The following AGBL4 variants were observed in gnomAD, a reference collection of about 807,000 sequenced individuals.
AGBL4 encodes the protein AGBL carboxypeptidase 4.
In AGBL4, 58 loss-of-function variants were observed where a neutral mutation model predicts 66.4. The ratio of observed to expected loss-of-function variants is 0.87; its 90% CI spans 0.71 to 1.09. The LOEUF is 1.09. Ranked by LOEUF, AGBL4 falls within the 50% of genes least tolerant of loss-of-function variation. The pLI, the probability that AGBL4 is intolerant of heterozygous loss-of-function variation, is 0.00. For synonymous variants in AGBL4, 234 were observed against 222.9 expected (o/e 1.05, Z -0.44); for missense variants, 579 against 631.0 (o/e 0.92, Z 0.88).
chr1:49,917,908 C>G (rs913559007), intron 1 of AGBL4, among the ~76,000 whole-genome samples: 1 of 152,138 alleles, frequency 6.6e-6, no homozygotes, highest in Non-Finnish European at 1.5e-5. Context: ...TGCAATCAAA[C>G]TAGAACTCAG....
At chr1:49,144,593 T>C (rs919437835) in intron 4 of AGBL4, among the ~76,000 whole-genome samples, 2 of 151,548 alleles carry the variant, frequency 1.3e-5, no homozygotes, top group African/African-American at 4.8e-5. Context: ...CCCTCAGACC[T>C]AAGCTGGGTT....
intron 5 of AGBL4, among the ~76,000 whole-genome samples, chr1:48,887,056 G>C (rs188705125): frequency 6.6e-6 from 1 of 152,134 alleles, no homozygotes; most frequent in African/African-American, 2.4e-5. Flanking sequence ...AAGGACTCAG[G>C]ACTGTTTCTT....
In AGBL4 at chr1:49,508,770, T is replaced by G. The variant is rs1558006569; in HGVS notation, c.282+188543A>C. Among the ~76,000 whole-genome samples the G allele has an allele frequency of 2.6e-5, 4 of 151,874 alleles. No individual in the cohort carries two copies. In the South Asian group the frequency reaches 8.3e-4, roughly 31 times the overall value. On this transcript the variant is annotated intron_variant, in intron 3 of 13. Coordinates refer to ENST00000371839, the MANE Select transcript of AGBL4 (RefSeq NM_032785.4). ...CCATCTCACATGATTATTGTGAACA[T>G]TAAGAAAAATGAGGTATATAAAGCA... is the stretch of plus-strand genomic sequence containing the variant.
intron 6 of AGBL4, among the ~76,000 whole-genome samples, chr1:48,859,818 G>C (rs563032352): frequency 1.4e-4 from 22 of 152,288 alleles, no homozygotes; most frequent in African/African-American, 5.3e-4. Context: ...GAAATAGTTA[G>C]AGATATAGAC....
At chr1:49,236,405 C>T (rs1336293201) in intron 4 of AGBL4, among the ~76,000 whole-genome samples, 2 of 152,120 alleles carry the variant, frequency 1.3e-5, no homozygotes, top group Non-Finnish European at 2.9e-5. Flanking sequence ...TGTCTTCTCA[C>T]CCCTCATTCA....
chr1:49,376,041 A>T (rs530627720), intron 3 of AGBL4, among the ~76,000 whole-genome samples: 2 of 152,270 alleles, frequency 1.3e-5, no homozygotes. Context: ...CTGCCTGTAT[A>T]TTGTATGAAA....
At chr1:48,808,611 G>A (rs1364836305) in intron 6 of AGBL4, among the ~76,000 whole-genome samples, 1 of 152,166 alleles carries the variant, frequency 6.6e-6, no homozygotes, top group Non-Finnish European at 1.5e-5. Flanking sequence ...ATCACAGTTG[G>A]AAAGATATGC....
intron 3 of AGBL4, among the ~76,000 whole-genome samples, chr1:49,696,513 G>A (rs1353205645): frequency 2.0e-5 from 3 of 151,926 alleles, no homozygotes; most frequent in African/African-American, 4.8e-5. Context: ...GCCACAAATG[G>A]AAAATAATAG....
intron 3 of AGBL4, among the ~76,000 whole-genome samples, chr1:49,570,505 A>T (rs935375675): frequency 2.6e-5 from 4 of 152,108 alleles, no homozygotes; most frequent in African/African-American, 9.6e-5. Context: ...TGTTAGATGC[A>T]TTATTTCCAA....
intron 2 of AGBL4, among the ~76,000 whole-genome samples, chr1:49,747,170 AT>A (rs1004496225): frequency 2.3e-4 from 35 of 152,104 alleles, no homozygotes; most frequent in African/African-American, 8.0e-4. Flanking sequence ...ATGATATTTT[AT>A]TTTCACCTTC....
intron 1 of AGBL4, among the ~76,000 whole-genome samples, chr1:49,945,308 G>A (rs1017407204): frequency 3.3e-5 from 5 of 152,068 alleles, no homozygotes; most frequent in African/African-American, 1.2e-4. Flanking sequence ...TTTACAAGAT[G>A]TGAGGCAAAA....
intron 11 of AGBL4, among the ~76,000 whole-genome samples, chr1:48,552,623 G>A (rs1257881743): frequency 6.6e-6 from 1 of 152,196 alleles, no homozygotes; most frequent in East Asian, 1.9e-4. Flanking sequence ...GATGTCAGCA[G>A]CACCCACCTC....
chr1:49,162,094 A>T (rs1423005684), intron 4 of AGBL4, among the ~76,000 whole-genome samples: 1 of 152,182 alleles, frequency 6.6e-6, no homozygotes, highest in Non-Finnish European at 1.5e-5. Context: ...AGGGTTGTGA[A>T]GATTGTGATA....
chr1:49,841,853 G>T, intron 2 of AGBL4: 2 of 529,128 alleles, frequency 3.8e-6, no homozygotes, highest in Non-Finnish European at 6.8e-6. Context: ...CAGTCAGGCG[G>T]AGCAGGGGCA....
Position 49,647,941 on chromosome 1 carries a change from G to A in AGBL4, c.282+49372C>T, listed in dbSNP as rs540815213. Among the ~76,000 whole-genome samples the A allele has an allele frequency of 2.6e-5, 4 of 151,750 alleles. No individual in the cohort carries two copies. The South Asian group carries it at 8.3e-4, about 32-fold the overall frequency. On this transcript the variant is annotated intron_variant, in intron 3 of 13. Transcript: ENST00000371839. ...ATATCTTACCACCACATTACTAAAG[G>A]CCTATTTATAGGATTTCCTTCTGCC...
At chr1:49,210,922 C>T (rs1483747449) in intron 4 of AGBL4, among the ~76,000 whole-genome samples, 1 of 151,992 alleles carries the variant, frequency 6.6e-6, no homozygotes, top group Non-Finnish European at 1.5e-5. Flanking sequence ...ATTTTATGTG[C>T]CTTTGTTTTT....
At chr1:49,485,925 T>A (rs993529894) in intron 3 of AGBL4, among the ~76,000 whole-genome samples, 10 of 152,018 alleles carry the variant, frequency 6.6e-5, no homozygotes, top group African/African-American at 2.4e-4. Flanking sequence ...AGGGTGACTA[T>A]AGTAAAAAGT....
rs552432635 is a variant in AGBL4 at position 49,069,345 on chromosome 1, A to T, written c.378-23545T>A. Among the ~76,000 whole-genome samples, 577 of 152,166 alleles carry T rather than the reference A, an allele frequency of 3.8e-3. 4 individuals carry two copies. Among genetic ancestry groups the T allele is most frequent in the African/African-American group, 0.012 (519 of 41,522 alleles). ...GAATGGTATTGCCTAGGATTTCTTC[A>T]AGGGTTTTTATGGTTTTAGGTCTTA... On this transcript the variant is annotated intron_variant, in intron 4 of 13. Coordinates refer to ENST00000371839, the MANE Select transcript of AGBL4 (RefSeq NM_032785.4).
chr1:49,095,307 C>T (rs990125101), intron 4 of AGBL4, among the ~76,000 whole-genome samples: 2 of 152,180 alleles, frequency 1.3e-5, no homozygotes, highest in African/African-American at 4.8e-5. Context: ...CTACCAATGA[C>T]TTTCTTCACA....
Sources: gnomAD v4.1 joint callset for allele counts (sites outside exome capture counted in the v4.1 genomes callset) on GRCh38, gnomAD v4.1.1 for gene constraint, MANE v1.5 for transcripts, NCBI Gene and HGNC (gene_info 2026-07-23, HGNC 2026-07-21) for gene names.